Variants in FANCC observed in about 807,000 individuals in gnomAD.
FANCC encodes the protein Fanconi anemia group C protein.
A neutral mutation model predicts 71.3 loss-of-function variants in FANCC; 55 were observed. The ratio of observed to expected loss-of-function variants is 0.77; its 90% CI spans 0.62 to 0.97. The LOEUF is 0.97. FANCC is among the 50% of genes least tolerant of loss of function. FANCC has a pLI of 0.00. For synonymous variants in FANCC, 275 were observed against 244.9 expected, an observed-to-expected ratio of 1.12 and a Z score of -1.15; for missense variants, 678 against 670.9, an observed-to-expected ratio of 1.01 and a Z score of -0.12.
chr9:95,287,510 T>C (rs749307104), intron 1 of FANCC, among the ~76,000 whole-genome samples: 6 of 152,200 alleles, frequency 3.9e-5, no homozygotes, highest in Non-Finnish European at 7.3e-5. Flanking sequence ...CTGTCTGCTG[T>C]TTATATTTAC....
intron 7 of FANCC, among the ~76,000 whole-genome samples, chr9:95,145,831 C>T (rs1186668528): frequency 2.0e-5 from 3 of 152,118 alleles, no homozygotes; most frequent in Non-Finnish European, 4.4e-5. Context: ...GGCGGACATG[C>T]TTTACCACCG....
chr9:95,296,135 T>C (rs1041254739), intron 1 of FANCC, among the ~76,000 whole-genome samples: 4 of 152,186 alleles, frequency 2.6e-5, no homozygotes, highest in African/African-American at 9.7e-5. Context: ...TTTTTATATA[T>C]CAATCATATC....
chr9:95,229,875 G>A (rs976994462), intron 4 of FANCC, among the ~76,000 whole-genome samples: 2 of 151,692 alleles, frequency 1.3e-5, no homozygotes, highest in Non-Finnish European at 2.9e-5. Context: ...AAAATTCTGG[G>A]TAGTCTTACC....
At chr9:95,144,619 G>A (rs547734949) in intron 7 of FANCC, among the ~76,000 whole-genome samples, 3 of 152,300 alleles carry the variant, frequency 2.0e-5, no homozygotes, top group Admixed American at 6.5e-5. Context: ...GAAAGAGTAA[G>A]GCTAGACACG....
rs1046376595 is a variant in FANCC, at chr9:95,184,120, C to T, written c.346-11973G>A. ...TGCTGAATTAGTTGCTTCTCCCCCC[C>T]TTTTTTTAATGTAAACATTAAAAAA... is the stretch of plus-strand genomic sequence containing the variant. On this transcript the variant is annotated intron_variant, in intron 4 of 14. Transcript: ENST00000289081. Among the ~76,000 whole-genome samples the T allele has an allele frequency of 2.6e-5, 4 of 151,832 alleles. No individual in the cohort carries two copies. In the South Asian group the frequency reaches 6.3e-4, roughly 24 times the overall value.
intron 4 of FANCC, among the ~76,000 whole-genome samples, chr9:95,229,811 ATTCT>A (rs1469814373): frequency 6.6e-6 from 1 of 151,340 alleles, no homozygotes; most frequent in East Asian, 1.9e-4. Flanking sequence ...ACACATTGTA[ATTCT>A]TTCATGGCTC....
At chr9:95,247,956 A>G (rs1228489572) in intron 2 of FANCC, among the ~76,000 whole-genome samples, 1 of 152,216 alleles carries the variant, frequency 6.6e-6, no homozygotes, top group Non-Finnish European at 1.5e-5. Flanking sequence ...GACTATTTCA[A>G]AGAAGAAGGT....
At chr9:95,229,129 T>G (rs1009384953) in intron 4 of FANCC, among the ~76,000 whole-genome samples, 1 of 151,602 alleles carries the variant, frequency 6.6e-6, no homozygotes, top group East Asian at 1.9e-4. Flanking sequence ...AAAACCCCAT[T>G]TCTACTAAAA....
At chr9:95,181,051 T>G (rs1173038769) in intron 4 of FANCC, among the ~76,000 whole-genome samples, 1 of 152,040 alleles carries the variant, frequency 6.6e-6, no homozygotes, top group Non-Finnish European at 1.5e-5. Context: ...CTCACTTATC[T>G]GCAAGGGATA....
intron 6 of FANCC, among the ~76,000 whole-genome samples, chr9:95,153,079 T>A (rs906352265): frequency 6.6e-6 from 1 of 152,228 alleles, no homozygotes; most frequent in Non-Finnish European, 1.5e-5. Context: ...ACTCATAGCT[T>A]AGCTCCCACT....
intron 4 of FANCC, among the ~76,000 whole-genome samples, chr9:95,183,440 A>G (rs1293356006): frequency 6.6e-6 from 1 of 152,220 alleles, no homozygotes; most frequent in Non-Finnish European, 1.5e-5. Flanking sequence ...GTCAAAACCA[A>G]GAGCACAGAT....
intron 8 of FANCC, among the ~76,000 whole-genome samples, chr9:95,131,976 A>C (rs1165774674): frequency 6.6e-6 from 1 of 152,230 alleles, no homozygotes; most frequent in Non-Finnish European, 1.5e-5. Flanking sequence ...AGTTCTTATT[A>C]GATAAAGTAA....
chr9:95,101,258 AGATCCCT>A lies in FANCC; in HGVS notation c.*442_*448del. The A allele has an allele frequency of 3.4e-6, 1 of 292,936 alleles. No individual in the cohort carries two copies. Among genetic ancestry groups the A allele is most frequent in the Non-Finnish European group, 6.5e-6 (1 of 153,594 alleles). The allele number at this position is 292,936 out of a possible 1,614,324, so 18.1% of individuals were successfully genotyped here. A position where few individuals can be genotyped will look rare whatever the true frequency, so the allele number is the denominator to read the frequency against. On this transcript the variant is annotated 3_prime_UTR_variant, in exon 15 of 15. Coordinates refer to ENST00000289081, the MANE Select transcript of FANCC (RefSeq NM_000136.3). ...CAGCAAGACAGTGTGGCTTTATCCC[AGATCCCT>A]GACTCCTAAAAAGAGTCTAAAAAGA...
chr9:95,274,401 C>T (rs1416559615), intron 1 of FANCC, among the ~76,000 whole-genome samples: 2 of 152,206 alleles, frequency 1.3e-5, no homozygotes, highest in Non-Finnish European at 2.9e-5. Context: ...ATATGTGCCA[C>T]ATTTTCTTTA....
chr9:95,142,081 C>T (rs900694938), intron 7 of FANCC, among the ~76,000 whole-genome samples: 2 of 149,306 alleles, frequency 1.3e-5, no homozygotes, highest in Non-Finnish European at 2.9e-5. Context: ...CAACCTCTGC[C>T]TCCCGGGTTC....
At chr9:95,193,281 C>T (rs1827222462) in intron 4 of FANCC, among the ~76,000 whole-genome samples, 1 of 152,138 alleles carries the variant, frequency 6.6e-6, no homozygotes, top group African/African-American at 2.4e-5. Flanking sequence ...AAAGAGCATG[C>T]AAACAGCTTG....
At chr9:95,295,362 C>T (rs1247895208) in intron 1 of FANCC, among the ~76,000 whole-genome samples, 5 of 151,772 alleles carry the variant, frequency 3.3e-5, no homozygotes, top group Non-Finnish European at 7.4e-5. Flanking sequence ...AAACAAAAAA[C>T]AAAACAAAAC....
At chr9:95,256,712 T>C (rs1470501638) in intron 1 of FANCC, among the ~76,000 whole-genome samples, 1 of 152,182 alleles carries the variant, frequency 6.6e-6, no homozygotes, top group Non-Finnish European at 1.5e-5. Flanking sequence ...GTAAACGGGC[T>C]AAATGCCCCA....
At chr9:95,131,589 C>T (rs1200993722) in intron 8 of FANCC, among the ~76,000 whole-genome samples, 1 of 152,174 alleles carries the variant, frequency 6.6e-6, no homozygotes, top group Non-Finnish European at 1.5e-5. Flanking sequence ...AACCTCCCAG[C>T]TTTTAGCCAT....
Sources: gnomAD v4.1 joint callset for allele counts (sites outside exome capture counted in the v4.1 genomes callset) on GRCh38, gnomAD v4.1.1 for gene constraint, MANE v1.5 for transcripts, NCBI Gene and HGNC (gene_info 2026-07-23, HGNC 2026-07-21) for gene names.